Variants in COL14A1 observed in about 807,000 individuals in gnomAD.
The protein encoded by COL14A1 is collagen alpha-1(XIV) chain.
In COL14A1, 136 loss-of-function variants were observed where a neutral mutation model predicts 230.3. That is an observed-to-expected ratio of 0.59 (90% CI 0.51 to 0.68). The LOEUF (loss-of-function observed/expected upper bound fraction) is 0.68. Ranked by LOEUF, COL14A1 falls within the 30% of genes least tolerant of loss-of-function variation. COL14A1 has a pLI of 0.00. For synonymous variants in COL14A1, 792 were observed against 784.1 expected (o/e 1.01, Z -0.17); for missense variants, 1,976 against 2,215.8 (o/e 0.89, Z 2.17).
chr8:120,210,254 T>C (rs1484465578), intron 12 of COL14A1, among the ~76,000 whole-genome samples: 2 of 152,220 alleles, frequency 1.3e-5, no homozygotes, highest in South Asian at 2.1e-4. Context: ...ATCTATGTTA[T>C]TGGATATTTA....
chr8:120,299,364 G>T (rs1384438645), intron 35 of COL14A1, among the ~76,000 whole-genome samples: 1 of 152,032 alleles, frequency 6.6e-6, no homozygotes, highest in Non-Finnish European at 1.5e-5. Flanking sequence ...AGTAAACTCT[G>T]GAAGAAATTA....
chr8:120,228,412 C>A (rs1429810256), intron 17 of COL14A1, among the ~76,000 whole-genome samples: 2 of 152,140 alleles, frequency 1.3e-5, no homozygotes, highest in Non-Finnish European at 2.9e-5. Flanking sequence ...TGGCTGTGCC[C>A]CTATTTCAAA....
At chr8:120,161,928 G>A (rs906796813) in intron 3 of COL14A1, among the ~76,000 whole-genome samples, 4 of 152,186 alleles carry the variant, frequency 2.6e-5, no homozygotes, top group Non-Finnish European at 5.9e-5. Context: ...GCCTCCTAAA[G>A]TGCAAGGATT....
chr8:120,195,246 A>ATT (rs201833058), intron 5 of COL14A1, among the ~76,000 whole-genome samples: 1 of 151,398 alleles, frequency 6.6e-6, no homozygotes, highest in Non-Finnish European at 1.5e-5. Flanking sequence ...TAGTTCAACT[A>ATT]TTTTTTTTTA....
At chr8:120,163,261 AG>A (rs1815750372) in intron 4 of COL14A1, among the ~76,000 whole-genome samples, 1 of 152,172 alleles carries the variant, frequency 6.6e-6, no homozygotes, top group South Asian at 2.1e-4. Flanking sequence ...CTGTGAAGAG[AG>A]GTACTCTCTC....
intron 26 of COL14A1, among the ~76,000 whole-genome samples, chr8:120,274,017 G>T (rs755569983): frequency 1.3e-5 from 2 of 151,696 alleles, no homozygotes; most frequent in Non-Finnish European, 3.0e-5. Flanking sequence ...ACCAGTAGAG[G>T]ACATAATGAA....
chr8:120,278,419 C>G lies in COL14A1; in HGVS notation c.3338-16C>G, dbSNP rs750348170. The G allele has an allele frequency of 1.9e-6, 3 of 1,604,532 alleles. No individual in the cohort carries two copies. The highest frequency in any genetic ancestry group is 1.7e-6 in the Non-Finnish European group (2 of 1,175,228). ...GGGAGGGAGTGAAATCAAACTGTTG[C>G]CTTTCTTTGTTTCAGGAAAAGCAAT... On this transcript the variant is annotated splice_polypyrimidine_tract_variant and intron_variant, in intron 27 of 47. Coordinates refer to ENST00000297848, the MANE Select transcript of COL14A1 (RefSeq NM_021110.4).
intron 45 of COL14A1, among the ~76,000 whole-genome samples, chr8:120,347,403 G>A (rs1171365449): frequency 1.3e-5 from 2 of 152,154 alleles, no homozygotes; most frequent in African/African-American, 2.4e-5. Flanking sequence ...TGCCCTTTGA[G>A]CATGGGGAAA....
At chr8:120,247,536 A>G (rs1054043868) in intron 20 of COL14A1, 77 bp from the exon 21 acceptor site, 56 of 1,340,042 alleles carry the variant, frequency 4.2e-5, no homozygotes, top group Non-Finnish European at 5.2e-5. Context: ...GATGTCTTAT[A>G]TTTTGATGGC....
chr8:120,315,449 A>G, intron 38 of COL14A1, 84 bp from the exon 39 acceptor site: 6 of 1,004,762 alleles, frequency 6.0e-6, no homozygotes, highest in Non-Finnish European at 9.2e-6. Flanking sequence ...TACTGTGGAA[A>G]CTATTTAAAT....
chr8:120,331,743 C>G (rs1309480431), intron 40 of COL14A1, among the ~76,000 whole-genome samples: 2 of 152,232 alleles, frequency 1.3e-5, no homozygotes, highest in African/African-American at 4.8e-5. Flanking sequence ...TAATGAAAGA[C>G]AGATCCCTCT....
At chr8:120,332,107 C>T in intron 40 of COL14A1, 34 bp from the exon 41 acceptor site, 2 of 1,607,196 alleles carry the variant, frequency 1.2e-6, no homozygotes, top group Non-Finnish European at 1.7e-6. Flanking sequence ...TATAAAGCAA[C>T]CACTTGCTGA....
intron 1 of COL14A1, among the ~76,000 whole-genome samples, chr8:120,140,112 A>G (rs1466487363): frequency 6.6e-6 from 1 of 152,222 alleles, no homozygotes; most frequent in Non-Finnish European, 1.5e-5. Context: ...TCATTGATAA[A>G]GAGCAGAGAG....
At chr8:120,193,989 CCCTTGCGCTTCCCGGGTGAGGCAATG>C (rs1816935382) in intron 5 of COL14A1, among the ~76,000 whole-genome samples, 1 of 152,188 alleles carries the variant, frequency 6.6e-6, no homozygotes, top group Non-Finnish European at 1.5e-5. Context: ...ACTCCCTGAC[CCCTTGCGCTTCCCGGGTGAGGCAATG>C]CCTCGCCCTG....
chr8:120,254,114 C>T (rs532176742), intron 22 of COL14A1, among the ~76,000 whole-genome samples: 23 of 151,774 alleles, frequency 1.5e-4, no homozygotes, highest in African/African-American at 4.6e-4. Flanking sequence ...AAGATAATTC[C>T]GAGGTATTTT....
At chr8:120,176,979 C>G (rs1297935228) in intron 5 of COL14A1, among the ~76,000 whole-genome samples, 1 of 152,106 alleles carries the variant, frequency 6.6e-6, no homozygotes, top group Non-Finnish European at 1.5e-5. Context: ...CTTATCCATG[C>G]AGGGAGGCCC....
chr8:120,312,604 T>G (rs1194405027), intron 37 of COL14A1, among the ~76,000 whole-genome samples: 1 of 152,158 alleles, frequency 6.6e-6, no homozygotes, highest in African/African-American at 2.4e-5. Context: ...CCACATTCTA[T>G]TTCACTCACT....
chr8:120,266,886 A>G lies in COL14A1; in HGVS notation c.3073+3A>G. The G allele has an allele frequency of 1.2e-6, 2 of 1,607,916 alleles. No individual in the cohort carries two copies. The highest frequency in any genetic ancestry group is 1.7e-6 in the Non-Finnish European group (2 of 1,174,760). The stretch of plus-strand genomic sequence containing the variant: ...AACCATTCCACCAGCAAAAGAAGGT[A>G]AAAGAATAATAGAATAATTATCTGA... On this transcript the variant is annotated splice_donor_region_variant and intron_variant, in intron 25 of 47. Coordinates refer to ENST00000297848, the MANE Select transcript of COL14A1 (RefSeq NM_021110.4).
At chr8:120,348,463 AAGT>A (rs1460688644) in intron 45 of COL14A1, among the ~76,000 whole-genome samples, 1 of 152,008 alleles carries the variant, frequency 6.6e-6, no homozygotes, top group African/African-American at 2.4e-5. Context: ...TCTCACTCAT[AAGT>A]AGGAGCTAAG....
Sources: gnomAD v4.1 joint callset for allele counts (sites outside exome capture counted in the v4.1 genomes callset) on GRCh38, gnomAD v4.1.1 for gene constraint, MANE v1.5 for transcripts, NCBI Gene and HGNC (gene_info 2026-07-23, HGNC 2026-07-21) for gene names.